Variants in KIF1B observed in about 807,000 individuals in gnomAD.
KIF1B encodes the protein kinesin-like protein KIF1B.
Under a neutral mutation model 241.9 loss-of-function variants are expected in KIF1B, and 76 were observed. The observed-to-expected ratio is 0.31, with a 90% CI of 0.26 to 0.38. The LOEUF (loss-of-function observed/expected upper bound fraction) is 0.38. Among genes scored for constraint, KIF1B ranks in the 10% least tolerant of loss-of-function variants. KIF1B has a pLI of 1.00. For missense variants in KIF1B, 1,622 were observed against 2,271.4 expected (o/e 0.71, Z 5.81); for synonymous variants, 750 against 796.7 (o/e 0.94, Z 0.99).
chr1:10,282,270 C>G, intron 14 of KIF1B, 52 bp from the exon 15 acceptor site: 444 of 1,356,284 alleles, frequency 3.3e-4, no homozygotes, highest in Non-Finnish European at 4.3e-4. Flanking sequence ...TCTTCCTCTG[C>G]TTCTTTCCCT....
chr1:10,211,900 C>G (rs115634793), intron 1 of KIF1B, among the ~76,000 whole-genome samples: 2,803 of 152,178 alleles, frequency 0.018, 40 homozygotes, highest in Non-Finnish European at 0.027. Flanking sequence ...ATGGAGGCCT[C>G]GAGTAGCCGT....
In KIF1B at chr1:10,365,671, T is replaced by G. The variant is rs1638551041; in HGVS notation, c.4752+23T>G. 1.2e-6 allele frequency: 2 copies of G among 1,613,686 alleles called. No individual in the cohort carries two copies. Among genetic ancestry groups the G allele is most frequent in the Non-Finnish European group, 1.7e-6 (2 of 1,180,040 alleles). On this transcript the variant is annotated intron_variant, in intron 43 of 48. Transcript: ENST00000676179. This position sits in a 1 kb window ranked among gnomAD's most constrained non-coding sequence, Gnocchi z 4.0. ...AAGGTGTGAATCCCTTCCTCTTTGCTGAACGTCTTCCCACAAGGCTCCACA... is the reference window on the plus strand; with the variant it reads ...AAGGTGTGAATCCCTTCCTCTTTGCGGAACGTCTTCCCACAAGGCTCCACA...
intron 14 of KIF1B, among the ~76,000 whole-genome samples, chr1:10,281,169 T>C (rs141846661): frequency 1.3e-5 from 2 of 152,266 alleles, no homozygotes; most frequent in African/African-American, 2.4e-5. Context: ...GGAGAACTAA[T>C]AGTATTTTTT....
intron 31 of KIF1B, among the ~76,000 whole-genome samples, chr1:10,338,511 C>T (rs2102317628): frequency 6.6e-6 from 1 of 152,288 alleles, no homozygotes; most frequent in Non-Finnish European, 1.5e-5. Flanking sequence ...TAGTGTTCAC[C>T]AGATGAATCT....
At chr1:10,359,390 T>C (rs184171259) in intron 38 of KIF1B, among the ~76,000 whole-genome samples, 1 of 152,148 alleles carries the variant, frequency 6.6e-6, no homozygotes, top group Admixed American at 6.6e-5. Flanking sequence ...CCACTTGTCA[T>C]AGGGGTCTGA....
intron 2 of KIF1B, among the ~76,000 whole-genome samples, chr1:10,247,126 A>G (rs1206114550): frequency 6.6e-6 from 1 of 152,204 alleles, no homozygotes; most frequent in Non-Finnish European, 1.5e-5. Flanking sequence ...AGGCCTCCCA[A>G]AGTGCTAGGA....
chr1:10,306,164 C>G, intron 22 of KIF1B: 1 of 1,038,510 alleles, frequency 9.6e-7, no homozygotes, highest in East Asian at 5.9e-5. Context: ...TGTTTTTTTC[C>G]CCTTAAAAAG....
Position 10,269,926 on chromosome 1 carries a change from G to A in KIF1B, c.721-1576G>A, listed in dbSNP as rs552518782. Among the ~76,000 whole-genome samples, 453 of 152,282 alleles carry A rather than the reference G, an allele frequency of 3.0e-3. 1 individual carries two copies. Among genetic ancestry groups the A allele is most frequent in the Middle Eastern group, 0.01 (3 of 292 alleles). On this transcript the variant is annotated intron_variant, in intron 7 of 48. Transcript: ENST00000676179. The stretch of plus-strand genomic sequence containing the variant: ...TAGTGTTTATCTGAATGCCAGCAAA[G>A]AACATTGTATGTGAAGGTGTTTTTT...
intron 32 of KIF1B, among the ~76,000 whole-genome samples, chr1:10,341,130 C>T (rs1233235843): frequency 3.3e-5 from 5 of 152,084 alleles, no homozygotes; most frequent in Non-Finnish European, 4.4e-5. Flanking sequence ...CTTCGAATTA[C>T]GATAGGGGAA....
At position 10,378,458 on chromosome 1, in the gene KIF1B, C is replaced by A; in HGVS notation, c.*1871C>A. ...CCTCCAGTGACTTCAGTTGCTTTGC[C>A]AGTTGTCTTGGGATTGTTTTACACC... On this transcript the variant is annotated 3_prime_UTR_variant, in exon 49 of 49. Coordinates refer to ENST00000676179, the MANE Select transcript of KIF1B (RefSeq NM_001365951.3). 1.4e-6 allele frequency: 1 copy of A among 717,636 alleles called. No homozygotes were observed. The highest frequency in any genetic ancestry group is 1.5e-5 in the South Asian group (1 of 67,586). The allele number at this position is 717,636 out of a possible 1,614,324, so 44.5% of individuals were successfully genotyped here.
intron 11 of KIF1B, among the ~76,000 whole-genome samples, chr1:10,275,736 A>G (rs141266835): frequency 9.9e-5 from 15 of 152,244 alleles, no homozygotes; most frequent in African/African-American, 3.6e-4. Context: ...ACTGTGCAGT[A>G]GTTGTCCTCC....
intron 2 of KIF1B, among the ~76,000 whole-genome samples, chr1:10,233,709 G>A (rs1419440892): frequency 9.5e-6 from 1 of 105,340 alleles, no homozygotes; most frequent in Non-Finnish European, 1.8e-5. Flanking sequence ...TCTCAATAAA[G>A]CTTTTTTTTT....
chr1:10,361,768 C>T lies in KIF1B; in HGVS notation c.4247C>T (p.Ser1416Leu). The T allele has an allele frequency of 6.2e-7, 1 of 1,614,184 alleles. No homozygotes were observed. Residue 1416 changes from serine to leucine, a missense_variant, in exon 40 of 49, where the codon TCA becomes TTA. Around this residue, in one of 7 missense-constraint regions of KIF1B, gnomAD observed 803 missense variants for 1,112.0 expected, o/e 0.72. Coordinates refer to ENST00000676179, the MANE Select transcript of KIF1B (RefSeq NM_001365951.3). ...MVFYSRDAKI[S>L]PPRSLRSLFG... ...TTCTACTCCCGAGATGCCAAGATCT[C>T]ACCACCACGCTCTCTGCGTAGCCTC... is the stretch of plus-strand genomic sequence containing the variant.
intron 23 of KIF1B, 41 bp from the exon 24 acceptor site, chr1:10,321,667 GT>G (rs776561974): frequency 1.2e-6 from 2 of 1,604,048 alleles, no homozygotes; most frequent in Non-Finnish European, 1.7e-6. Flanking sequence ...TTTTTATATA[GT>G]TGTAAGATTG....
chr1:10,338,089 C>T (rs1652249207), intron 31 of KIF1B, among the ~76,000 whole-genome samples: 1 of 152,130 alleles, frequency 6.6e-6, no homozygotes, highest in South Asian at 2.1e-4. Flanking sequence ...CTCAAGACTG[C>T]CCCAGGAAAA....
At chr1:10,255,079 G>T (rs2102179337) in intron 2 of KIF1B, among the ~76,000 whole-genome samples, 1 of 152,022 alleles carries the variant, frequency 6.6e-6, no homozygotes, top group East Asian at 2.0e-4. Flanking sequence ...CTCCCCAGTA[G>T]CTGGGATTAT....
At chr1:10,364,927 A>G (rs1638523680) in intron 41 of KIF1B, among the ~76,000 whole-genome samples, 173 bp from the exon 42 acceptor site, 1 of 148,958 alleles carries the variant, frequency 6.7e-6, no homozygotes, top group Non-Finnish European at 1.5e-5. Context: ...AATGGCATGA[A>G]CCCAGGAGGC....
chr1:10,304,208 G>C, intron 22 of KIF1B: 6 of 1,614,128 alleles, frequency 3.7e-6, no homozygotes, highest in South Asian at 1.1e-5. Flanking sequence ...CAAGAAAAAG[G>C]GGGTAAAGGA....
At chr1:10,276,834 A>G (rs1197051423) in intron 12 of KIF1B, among the ~76,000 whole-genome samples, 1 of 152,134 alleles carries the variant, frequency 6.6e-6, no homozygotes, top group Non-Finnish European at 1.5e-5. Flanking sequence ...TAATCCCAGC[A>G]CTTTGGGTGG....
Sources: allele counts gnomAD v4.1 joint callset (sites outside exome capture counted in the v4.1 genomes callset), GRCh38; gene constraint gnomAD v4.1.1; regional missense constraint gnomAD v4.1.1; non-coding constraint Gnocchi (gnomAD v3.1); transcripts MANE v1.5; gene names NCBI Gene and HGNC (gene_info 2026-07-23, HGNC 2026-07-21).